Variants in SH3GL3 observed in about 807,000 individuals in gnomAD.
The protein encoded by SH3GL3 is endophilin-A3.
SH3GL3 carries 33 observed loss-of-function variants against 47.7 expected under a neutral mutation model. The ratio of observed to expected loss-of-function variants is 0.69; its 90% CI spans 0.52 to 0.92. SH3GL3 has a LOEUF of 0.92. Ranked by LOEUF, SH3GL3 falls within the 40% of genes least tolerant of loss-of-function variation. SH3GL3 has a pLI of 0.00. For synonymous variants in SH3GL3, 155 were observed against 148.8 expected, an observed-to-expected ratio of 1.04 and a Z score of -0.30; for missense variants, 363 against 417.8, an observed-to-expected ratio of 0.87 and a Z score of 1.14.
chr15:83,537,877 G>A (rs547044212), intron 1 of SH3GL3, among the ~76,000 whole-genome samples: 97 of 152,150 alleles, frequency 6.4e-4, no homozygotes, highest in Non-Finnish European at 1.1e-3. Flanking sequence ...TTATGGATAT[G>A]CCTCTCTCTC....
intron 1 of SH3GL3, among the ~76,000 whole-genome samples, chr15:83,450,826 C>CT (rs1211846358): frequency 2.6e-4 from 10 of 39,146 alleles, no homozygotes; most frequent in Non-Finnish European, 4.7e-5. Context: ...CTATTATACT[C>CT]TAAGTTTTAG....
At chr15:83,615,670 G>T (rs1462667391) in intron 8 of SH3GL3, among the ~76,000 whole-genome samples, 4 of 152,140 alleles carry the variant, frequency 2.6e-5, no homozygotes, top group African/African-American at 9.7e-5. Context: ...TTACCAAAAT[G>T]AGTCAGTGGG....
chr15:83,579,259 G>C (rs554339711), intron 6 of SH3GL3, among the ~76,000 whole-genome samples: 1 of 152,238 alleles, frequency 6.6e-6, no homozygotes, highest in Admixed American at 6.5e-5. Context: ...TGCTGGCCTT[G>C]CTCCGGCCTG....
chr15:83,457,094 A>G (rs934856074), intron 1 of SH3GL3, among the ~76,000 whole-genome samples: 15 of 152,200 alleles, frequency 9.9e-5, no homozygotes, highest in African/African-American at 3.1e-4. Flanking sequence ...TCTTGACAGC[A>G]TTTATTGTTG....
intron 1 of SH3GL3, among the ~76,000 whole-genome samples, chr15:83,530,089 G>C (rs926969118): frequency 6.6e-6 from 1 of 152,130 alleles, no homozygotes; most frequent in African/African-American, 2.4e-5. Flanking sequence ...GTTGTTAGTG[G>C]TGCTTCAGGG....
rs1377129645 is a variant in SH3GL3 at position 83,491,002 on chromosome 15, A to G, written c.45+43424A>G. ...ACAGAAGCACTGAAAGAAGGTACAGATCTTCATGGTGAAAAGTGGGAAGCC... is the reference window on the plus strand; with the variant it reads ...ACAGAAGCACTGAAAGAAGGTACAGGTCTTCATGGTGAAAAGTGGGAAGCC... On this transcript the variant is annotated intron_variant, in intron 1 of 8. Transcript: ENST00000427482. 5.1e-6 allele frequency: 8 copies of G among 1,564,256 alleles called. No homozygotes were observed. In the South Asian group the frequency reaches 9.5e-5, roughly 19 times the overall value.
chr15:83,610,446 T>C (rs2060630129), intron 8 of SH3GL3, among the ~76,000 whole-genome samples: 1 of 152,026 alleles, frequency 6.6e-6, no homozygotes, highest in African/African-American at 2.4e-5. Context: ...GGTGGAAGGA[T>C]TGCTTGAGCC....
At chr15:83,608,214 A>T (rs189453592) in intron 8 of SH3GL3, among the ~76,000 whole-genome samples, 2 of 152,292 alleles carry the variant, frequency 1.3e-5, no homozygotes, top group African/African-American at 4.8e-5. Context: ...GGATAAATAC[A>T]GGGCTGTTAT....
At chr15:83,629,638 A>C in the SH3GL3 span, among the ~76,000 whole-genome samples, 579 of 152,218 alleles carry the variant, frequency 3.8e-3, 2 homozygotes, top group African/African-American at 0.013. Context: ...TGGCCAATAC[A>C]GTGAGATCCC....
intron 8 of SH3GL3, among the ~76,000 whole-genome samples, chr15:83,615,206 A>G (rs1235891202): frequency 6.6e-6 from 1 of 152,210 alleles, no homozygotes; most frequent in African/African-American, 2.4e-5. Context: ...GAAATGTGTC[A>G]TATTAATACT....
At position 83,614,476 on chromosome 15, in the gene SH3GL3, AC is replaced by A. The variant is rs376647826; in HGVS notation, c.839-3601del. ...GAGGAAGAAGAGCTCCCCTACCATT[AC>A]CCCCTTCTCTTTCCTCGCCAGCTGA... On this transcript the variant is annotated intron_variant, in intron 8 of 8. Coordinates refer to ENST00000427482, the MANE Select transcript of SH3GL3 (RefSeq NM_003027.5). 3.8e-4 allele frequency among the ~76,000 whole-genome samples: 57 copies of A among 151,866 alleles called. 1 individual carries two copies. In the East Asian group the frequency reaches 0.011, roughly 29 times the overall value.
intron 1 of SH3GL3, among the ~76,000 whole-genome samples, chr15:83,471,402 G>A (rs2040823806): frequency 6.6e-6 from 1 of 152,120 alleles, no homozygotes; most frequent in African/African-American, 2.4e-5. Context: ...TCTACCTAAT[G>A]AACCACAACC....
intron 1 of SH3GL3, among the ~76,000 whole-genome samples, chr15:83,496,280 A>T (rs185453390): frequency 6.6e-6 from 1 of 150,692 alleles, no homozygotes; most frequent in African/African-American, 2.4e-5. Flanking sequence ...AATTGCTTGA[A>T]CCCAGGAAGT....
intron 8 of SH3GL3, among the ~76,000 whole-genome samples, chr15:83,593,917 C>T (rs2060172472): frequency 6.6e-6 from 1 of 152,038 alleles, no homozygotes; most frequent in South Asian, 2.1e-4. Context: ...CTGCCAGGCT[C>T]AAAAGATCCT....
At chr15:83,477,901 AT>A (rs2041172942) in intron 1 of SH3GL3, among the ~76,000 whole-genome samples, 1 of 152,164 alleles carries the variant, frequency 6.6e-6, no homozygotes, top group Admixed American at 6.5e-5. Context: ...GATTTATTTG[AT>A]TTACTTCTCT....
At chr15:83,597,509 A>T (rs2060264422) in intron 8 of SH3GL3, among the ~76,000 whole-genome samples, 1 of 152,188 alleles carries the variant, frequency 6.6e-6, no homozygotes, top group Admixed American at 6.5e-5. Flanking sequence ...TTACATTTTT[A>T]AAAAATTTTA....
intron 8 of SH3GL3, among the ~76,000 whole-genome samples, chr15:83,593,588 G>A (rs2060160662): frequency 6.6e-6 from 1 of 152,114 alleles, no homozygotes; most frequent in Non-Finnish European, 1.5e-5. Context: ...AGGTCTAGTA[G>A]TTTTTTAATA....
intron 8 of SH3GL3, among the ~76,000 whole-genome samples, chr15:83,614,152 C>G (rs2060751083): frequency 6.6e-6 from 1 of 152,192 alleles, no homozygotes; most frequent in African/African-American, 2.4e-5. Flanking sequence ...CACTCCATGA[C>G]CCAAGGAAAA....
chr15:83,586,806 C>T (rs1329521218), intron 6 of SH3GL3, among the ~76,000 whole-genome samples, 177 bp from the exon 7 acceptor site: 1 of 152,188 alleles, frequency 6.6e-6, no homozygotes, highest in Admixed American at 6.5e-5. Flanking sequence ...GCATTTATAG[C>T]TCCATACCAT....
Sources: allele counts gnomAD v4.1 joint callset (sites outside exome capture counted in the v4.1 genomes callset), GRCh38; gene constraint gnomAD v4.1.1; transcripts MANE v1.5; gene names NCBI Gene and HGNC (gene_info 2026-07-23, HGNC 2026-07-21).